Variants in ELMO1 observed in about 807,000 individuals in gnomAD.
ELMO1 encodes the protein engulfment and cell motility 1.
Under a neutral mutation model 98.9 loss-of-function variants are expected in ELMO1, and 26 were observed. That is an observed-to-expected ratio of 0.26 (90% CI 0.19 to 0.36). The LOEUF is 0.36. Among genes scored for constraint, ELMO1 ranks in the 10% least tolerant of loss-of-function variants. The pLI is 1.00. For missense variants in ELMO1, 627 were observed against 935.2 expected (o/e 0.67, Z 4.30); for synonymous variants, 346 against 346.0 (o/e 1.00, Z 0.00).
intron 13 of ELMO1, among the ~76,000 whole-genome samples, chr7:37,166,015 C>A (rs1038997602): frequency 5.9e-5 from 9 of 152,014 alleles, no homozygotes; most frequent in African/African-American, 1.9e-4. Context: ...ACAATTTCAG[C>A]TCCTGTTATT....
chr7:37,379,912 T>C (rs1802516237), intron 1 of ELMO1, among the ~76,000 whole-genome samples: 1 of 152,212 alleles, frequency 6.6e-6, no homozygotes, highest in African/African-American at 2.4e-5. Context: ...TTGTGTCCTA[T>C]AGTTCACCTT....
intron 4 of ELMO1, among the ~76,000 whole-genome samples, chr7:37,297,413 G>A (rs1457940044): frequency 6.6e-6 from 1 of 152,038 alleles, no homozygotes; most frequent in Non-Finnish European, 1.5e-5. Flanking sequence ...AGACTACTGT[G>A]AATCCTAAAA....
chr7:37,321,716 C>CAAAAAAAAAAAA lies in ELMO1; in HGVS notation c.79-5768_79-5757dup, dbSNP rs565421716. Reference sequence around the variant, plus strand: ...TGGGCAACAGAGCGAGACTCCGTCTCAAAAAAAAAAAAAAAAAAAAAACAC... The same window carrying CAAAAAAAAAAAA: ...TGGGCAACAGAGCGAGACTCCGTCTCAAAAAAAAAAAAAAAAAAAAAAAAAAAAAAAAAACAC... On this transcript the variant is annotated intron_variant, in intron 2 of 21. Coordinates refer to ENST00000310758, the MANE Select transcript of ELMO1 (RefSeq NM_014800.11). Among the ~76,000 whole-genome samples the CAAAAAAAAAAAA allele has an allele frequency of 8.6e-3, 569 of 66,016 alleles. 22 individuals carry two copies. The highest frequency in any genetic ancestry group is 0.032 in the East Asian group (81 of 2,532). The allele number at this position is 66,016 out of a possible 152,430, so 43.3% of individuals were successfully genotyped here.
intron 16 of ELMO1, among the ~76,000 whole-genome samples, chr7:37,012,168 G>A (rs1412322333): frequency 6.6e-6 from 1 of 152,192 alleles, no homozygotes; most frequent in Non-Finnish European, 1.5e-5. Context: ...CTGTGCTGAG[G>A]AAGAAACTCA....
intron 13 of ELMO1, among the ~76,000 whole-genome samples, chr7:37,207,321 T>A (rs1792690023): frequency 6.6e-6 from 1 of 152,080 alleles, no homozygotes; most frequent in Admixed American, 6.5e-5. Flanking sequence ...GAGGCCAAAG[T>A]GGGTGGTTCA....
At chr7:37,231,409 C>T (rs1468214206) in intron 8 of ELMO1, among the ~76,000 whole-genome samples, 1 of 151,846 alleles carries the variant, frequency 6.6e-6, no homozygotes, top group East Asian at 1.9e-4. Flanking sequence ...AGGGTAACAT[C>T]ACCAGTCAGA....
intron 16 of ELMO1, among the ~76,000 whole-genome samples, chr7:36,916,091 T>G (rs572415504): frequency 6.6e-6 from 1 of 152,248 alleles, no homozygotes; most frequent in African/African-American, 2.4e-5. Flanking sequence ...TCTCCTAGGG[T>G]TGCTGTAAGG....
At chr7:37,316,797 A>G (rs993269059) in intron 2 of ELMO1, among the ~76,000 whole-genome samples, 3 of 152,190 alleles carry the variant, frequency 2.0e-5, no homozygotes, top group African/African-American at 7.2e-5. Flanking sequence ...AGAGATGGAC[A>G]ATACATGGTC....
chr7:37,169,160 TCTC>T (rs1203905574), intron 13 of ELMO1, among the ~76,000 whole-genome samples: 1 of 152,112 alleles, frequency 6.6e-6, no homozygotes, highest in African/African-American at 2.4e-5. Flanking sequence ...CGGGATATAA[TCTC>T]CTGGTGCGCC....
chr7:36,976,305 T>G (rs1790542197), intron 16 of ELMO1, among the ~76,000 whole-genome samples: 2 of 152,144 alleles, frequency 1.3e-5, no homozygotes, highest in Non-Finnish European at 2.9e-5. Flanking sequence ...AATGGAATTT[T>G]ATGCTTAAAA....
At chr7:37,167,913 G>C (rs1789836844) in intron 13 of ELMO1, among the ~76,000 whole-genome samples, 2 of 152,102 alleles carry the variant, frequency 1.3e-5, no homozygotes, top group Admixed American at 1.3e-4. Context: ...AAGTTCTCCT[G>C]GATAATATCC....
At chr7:37,004,980 G>A (rs1216930099) in intron 16 of ELMO1, among the ~76,000 whole-genome samples, 4 of 151,404 alleles carry the variant, frequency 2.6e-5, no homozygotes, top group South Asian at 2.1e-4. Context: ...ATGGTGGTGC[G>A]TGCCTGTAAT....
chr7:37,200,053 A>G (rs949549305), intron 13 of ELMO1, among the ~76,000 whole-genome samples: 2 of 152,080 alleles, frequency 1.3e-5, no homozygotes, highest in African/African-American at 4.8e-5. Flanking sequence ...TTTCTTTCCT[A>G]CATGTGCAGC....
intron 16 of ELMO1, among the ~76,000 whole-genome samples, chr7:36,953,422 A>G (rs956286641): frequency 6.6e-6 from 1 of 152,258 alleles, no homozygotes; most frequent in Non-Finnish European, 1.5e-5. Context: ...TTACGCAAGT[A>G]TGTTAAATTC....
chr7:36,942,056 A>G (rs955256878), intron 16 of ELMO1, among the ~76,000 whole-genome samples: 1 of 152,128 alleles, frequency 6.6e-6, no homozygotes, highest in Non-Finnish European at 1.5e-5. Flanking sequence ...TTAGAGGTAG[A>G]GGTTAACATT....
At chr7:37,011,221 C>T (rs1793528221) in intron 16 of ELMO1, among the ~76,000 whole-genome samples, 1 of 152,222 alleles carries the variant, frequency 6.6e-6, no homozygotes, top group South Asian at 2.1e-4. Context: ...CAGTGACACT[C>T]TGGGGGGCTT....
chr7:36,973,604 C>T (rs756840744), intron 16 of ELMO1, among the ~76,000 whole-genome samples: 3 of 152,186 alleles, frequency 2.0e-5, no homozygotes, highest in East Asian at 3.9e-4. Context: ...AGCCCTCGCT[C>T]GCTCTCGGTG....
intron 15 of ELMO1, among the ~76,000 whole-genome samples, chr7:37,033,610 C>T (rs1469581181): frequency 6.6e-6 from 1 of 152,074 alleles, no homozygotes; most frequent in African/African-American, 2.4e-5. Flanking sequence ...GGTCCCGGTA[C>T]ACTGAATATC....
At chr7:37,035,272 C>A (rs1031631416) in intron 15 of ELMO1, among the ~76,000 whole-genome samples, 2 of 152,168 alleles carry the variant, frequency 1.3e-5, no homozygotes, top group East Asian at 3.9e-4. Context: ...CTAAAATTAT[C>A]CAACCATCCT....
Sources: allele counts gnomAD v4.1 joint callset (sites outside exome capture counted in the v4.1 genomes callset), GRCh38; gene constraint gnomAD v4.1.1; transcripts MANE v1.5; gene names NCBI Gene and HGNC (gene_info 2026-07-23, HGNC 2026-07-21).